The following SLIT2 variants were observed in gnomAD, a reference collection of about 807,000 sequenced individuals.
SLIT2 encodes the protein slit homolog 2 protein.
In SLIT2, 41 loss-of-function variants were observed where a neutral mutation model predicts 185.7. The observed-to-expected ratio is 0.22, with a 90% CI of 0.17 to 0.29. SLIT2 has a LOEUF of 0.29. Among genes scored for constraint, SLIT2 ranks in the 10% least tolerant of loss-of-function variants. The probability of loss-of-function intolerance (pLI) is 1.00; values close to 1 mark genes in which losing one functional copy is unlikely to be tolerated. For synonymous variants in SLIT2, 693 were observed against 680.2 expected, an observed-to-expected ratio of 1.02 and a Z score of -0.29; for missense variants, 1,571 against 1,909.0, an observed-to-expected ratio of 0.82 and a Z score of 3.30.
At chr4:20,593,572 A>G (rs1438395376) in intron 30 of SLIT2, among the ~76,000 whole-genome samples, 1 of 152,144 alleles carries the variant, frequency 6.6e-6, no homozygotes, top group Non-Finnish European at 1.5e-5. Context: ...TGGTCACTAT[A>G]GTTCATACTG....
intron 9 of SLIT2, among the ~76,000 whole-genome samples, chr4:20,501,579 C>T (rs1340094458): frequency 2.6e-5 from 4 of 152,232 alleles, no homozygotes; most frequent in Non-Finnish European, 2.9e-5. Context: ...TCACCACACC[C>T]GGCAGATTCT....
intron 5 of SLIT2, 43 bp downstream of exon 5, chr4:20,467,866 C>T: frequency 1.0e-6 from 1 of 1,003,944 alleles, no homozygotes; most frequent in East Asian, 2.7e-5. Flanking sequence ...AAGTCATTAT[C>T]TATTTTCAAA....
At chr4:20,429,799 A>G (rs765204706) in intron 4 of SLIT2, among the ~76,000 whole-genome samples, 6 of 152,312 alleles carry the variant, frequency 3.9e-5, no homozygotes, top group Non-Finnish European at 7.3e-5. Flanking sequence ...AGTAACAGAA[A>G]TAGCAGTGAG....
At chr4:20,611,256 C>T (rs1195767752) in intron 34 of SLIT2, among the ~76,000 whole-genome samples, 2 of 152,188 alleles carry the variant, frequency 1.3e-5, no homozygotes, top group African/African-American at 2.4e-5. Context: ...GCCTTCTTTT[C>T]AGTGCCTCTA....
rs533008664 is a variant in SLIT2, at chr4:20,605,560, A to G, written c.3693-4453A>G. On this transcript the variant is annotated intron_variant, in intron 33 of 36. Coordinates refer to ENST00000504154, the MANE Select transcript of SLIT2 (RefSeq NM_004787.4). The stretch of plus-strand genomic sequence containing the variant: ...GGGAGTGGTGAAAGAGAGTTTATCA[A>G]TACTTATCAGAACCCAAAAGGATGC... Among the ~76,000 whole-genome samples the G allele has an allele frequency of 2.6e-5, 4 of 152,276 alleles. No individual in the cohort carries two copies. The South Asian group carries it at 8.3e-4, about 32-fold the overall frequency.
rs112461473 is a variant in SLIT2, at chr4:20,253,842, G to C, written c.27G>C (p.Leu9=). The C allele has an allele frequency of 7.4e-4, 1,179 of 1,600,000 alleles. 16 individuals are homozygous for C. The African/African-American group carries it at 0.014, about 19-fold the overall frequency. MRGVGWQM[L]SLSLGLVLAI... is the part of the protein sequence containing the mutation. ...TGCGCGGCGTTGGCTGGCAGATGCTGTCCCTGTCGCTGGGGTTAGTGCTGG... is the reference window on the plus strand; with the variant it reads ...TGCGCGGCGTTGGCTGGCAGATGCTCTCCCTGTCGCTGGGGTTAGTGCTGG... The change falls in exon 1 of 37, where the codon CTG becomes CTC. Residue 9 remains leucine (L), a synonymous_variant. Transcript: ENST00000504154.
In SLIT2 at chr4:20,520,011, G is replaced by A. The variant is rs1720686954; in HGVS notation, c.1130+558G>A. 2.1e-5 allele frequency among the ~76,000 whole-genome samples: 3 copies of A among 140,004 alleles called. No individual in the cohort carries two copies. In the Admixed American group the frequency reaches 2.3e-4, roughly 11 times the overall value. 91.8% of individuals were successfully genotyped at this position (140,004 alleles called of 152,430 possible). A position where few individuals can be genotyped will look rare whatever the true frequency, so the allele number is the denominator to read the frequency against. ...ATCGCGCCACTGCACTCCAGCCCGG[G>A]CGACAGAGTGAGACTCCGTCTCAAA... On this transcript the variant is annotated intron_variant, in intron 12 of 36. Coordinates refer to ENST00000504154, the MANE Select transcript of SLIT2 (RefSeq NM_004787.4).
At chr4:20,352,921 A>T (rs910355750) in intron 4 of SLIT2, among the ~76,000 whole-genome samples, 3 of 152,196 alleles carry the variant, frequency 2.0e-5, no homozygotes, top group Admixed American at 6.5e-5. Context: ...AAAAATAATG[A>T]TAATAATAAT....
chr4:20,465,317 T>C (rs942530389), intron 4 of SLIT2, among the ~76,000 whole-genome samples: 4 of 152,198 alleles, frequency 2.6e-5, no homozygotes, highest in African/African-American at 7.2e-5. Flanking sequence ...ACAGTATCTA[T>C]TTTACAAGGT....
chr4:20,283,029 A>T (rs148705916), intron 4 of SLIT2, among the ~76,000 whole-genome samples: 1 of 152,110 alleles, frequency 6.6e-6, no homozygotes, highest in South Asian at 2.1e-4. Context: ...AACTTAGAAT[A>T]TTTTCTAACA....
chr4:20,364,509 T>A (rs1007075953), intron 4 of SLIT2, among the ~76,000 whole-genome samples: 4 of 152,188 alleles, frequency 2.6e-5, no homozygotes, highest in African/African-American at 9.6e-5. Context: ...GTTTGTTTTC[T>A]AGTTCCTACT....
In SLIT2 at chr4:20,619,316, G is replaced by C. The variant is rs540515007; in HGVS notation, c.*307G>C. 54 of 240,652 alleles carry C rather than the reference G, an allele frequency of 2.2e-4. No individual in the cohort carries two copies. The highest frequency in any genetic ancestry group is 3.9e-4 in the Non-Finnish European group (48 of 121,582). The allele number at this position is 240,652 out of a possible 1,614,324, so 14.9% of individuals were successfully genotyped here. A position where few individuals can be genotyped will look rare whatever the true frequency, so the allele number is the denominator to read the frequency against. ...ATGCTGAAGACAAGCAGAAGCACAT[G>C]CACGAGGGACAGAGGAGCTACTGTG... On this transcript the variant is annotated 3_prime_UTR_variant, in exon 37 of 37. Coordinates refer to ENST00000504154, the MANE Select transcript of SLIT2 (RefSeq NM_004787.4).
Position 20,617,032 on chromosome 4 carries a change from C to G in SLIT2, c.3970C>G (p.Pro1324Ala). 6.2e-7 allele frequency: 1 copy of G among 1,614,170 alleles called. No individual in the cohort carries two copies. The highest frequency in any genetic ancestry group is 8.5e-7 in the Non-Finnish European group (1 of 1,180,012). ...TGAGCTGCAGGACTTCCAGAAGGTG[C>G]CGATGCAAACAGGCATTTTGCCTGG... ...NSELQDFQKV[P>A]MQTGILPGCE... The change falls in exon 35 of 37, where the codon CCG (proline) becomes GCG (alanine). Residue 1324 changes from proline to alanine, a missense_variant. By Grantham distance (27) the Pro-to-Ala change is conservative. Transcript: ENST00000504154.
rs556631847 is a variant in SLIT2, at chr4:20,372,699, G to A, written c.396-95053G>A. The stretch of plus-strand genomic sequence containing the variant: ...ATGAATTCTAGAAATAACCAGATAA[G>A]AGAAAGCAAAGCATAGACTAGGAGA... On this transcript the variant is annotated intron_variant, in intron 4 of 36. Coordinates refer to ENST00000504154, the MANE Select transcript of SLIT2 (RefSeq NM_004787.4). Among the ~76,000 whole-genome samples, 10 of 152,130 alleles carry A rather than the reference G, an allele frequency of 6.6e-5. No homozygotes were observed. The South Asian group carries it at 2.1e-3, about 32-fold the overall frequency.
chr4:20,318,669 G>A (rs1171057707), intron 4 of SLIT2, among the ~76,000 whole-genome samples: 1 of 152,002 alleles, frequency 6.6e-6, no homozygotes, highest in Non-Finnish European at 1.5e-5. Flanking sequence ...AGGCTACTTG[G>A]ATAATAGCTC....
At chr4:20,347,624 A>G (rs1721537145) in intron 4 of SLIT2, among the ~76,000 whole-genome samples, 1 of 152,228 alleles carries the variant, frequency 6.6e-6, no homozygotes, top group South Asian at 2.1e-4. Flanking sequence ...TTTATAAATT[A>G]TATGCATGGA....
chr4:20,439,561 C>A (rs1232360845), intron 4 of SLIT2, among the ~76,000 whole-genome samples: 2 of 152,168 alleles, frequency 1.3e-5, no homozygotes, highest in Non-Finnish European at 2.9e-5. Context: ...CCGATAATAT[C>A]GGATTAAGGC....
chr4:20,567,171 A>G (rs1036276241), intron 26 of SLIT2, 91 bp from the exon 27 acceptor site: 1 of 1,114,320 alleles, frequency 9.0e-7, no homozygotes, highest in Non-Finnish European at 1.3e-6. Context: ...TAATAATTTT[A>G]TATGAAATTT....
chr4:20,472,280 A>ATATAGATC (rs1560452717), intron 5 of SLIT2, among the ~76,000 whole-genome samples: 17 of 28,934 alleles, frequency 5.9e-4, no homozygotes, highest in East Asian at 2.3e-3. Flanking sequence ...ATATATCTAT[A>ATATAGATC]TATATAGATA....
Sources: allele counts gnomAD v4.1 joint callset (sites outside exome capture counted in the v4.1 genomes callset), GRCh38; gene constraint gnomAD v4.1.1; transcripts MANE v1.5; gene names NCBI Gene and HGNC (gene_info 2026-07-23, HGNC 2026-07-21).